Variants in HMCN2 observed in about 807,000 individuals in gnomAD.
HMCN2 encodes hemicentin 2, also known as hemicentin-2.
In HMCN2, 325 loss-of-function variants were observed where a neutral mutation model predicts 377.5. That is an observed-to-expected ratio of 0.86 (90% CI 0.79 to 0.94). The LOEUF (loss-of-function observed/expected upper bound fraction) is 0.94, where lower values mean the gene tolerates loss of function less well. Among genes scored for constraint, HMCN2 ranks in the 40% least tolerant of loss-of-function variants. The probability of loss-of-function intolerance (pLI) is 0.00; values close to 1 mark genes in which losing one functional copy is unlikely to be tolerated. For synonymous variants in HMCN2, 2,007 were observed against 2,046.8 expected, an observed-to-expected ratio of 0.98 and a Z score of 0.53; for missense variants, 4,543 against 4,725.3, an observed-to-expected ratio of 0.96 and a Z score of 1.13.
chr9:130,430,107 C>T (rs551035857), intron 94 of HMCN2, 177 bp from the exon 95 acceptor site: 104 of 629,674 alleles, frequency 1.7e-4, no homozygotes, highest in East Asian at 1.0e-3. Context: ...TAGGTGGAAT[C>T]GGAGAGGAGG....
At chr9:130,392,974 T>C (rs1031051283) in intron 66 of HMCN2, among the ~76,000 whole-genome samples, 38 of 149,968 alleles carry the variant, frequency 2.5e-4, no homozygotes, top group South Asian at 4.2e-4. Flanking sequence ...CCAGCCTGGG[T>C]GACAGAGTGA....
At position 130,360,155 on chromosome 9, in the gene HMCN2, G is replaced by A. The variant is rs996682915; in HGVS notation, c.5774-273G>A. ...GGTCCTGTCTTGGGCAACATTGCCC[G>A]GTTCCATCCCGGTTCCCTTTCCTGA... On this transcript the variant is annotated intron_variant, in intron 37 of 97. Transcript: ENST00000683500. The surrounding 1 kb of genome is among the most constrained non-coding windows in gnomAD (Gnocchi z 4.7). Among the ~76,000 whole-genome samples the A allele has an allele frequency of 1.3e-5, 2 of 152,134 alleles. No homozygotes were observed. Among genetic ancestry groups the A allele is most frequent in the African/African-American group, 2.4e-5 (1 of 41,410 alleles).
At chr9:130,296,539 A>G (rs918083381) in intron 6 of HMCN2, 135 bp from the exon 7 acceptor site, 3 of 377,672 alleles carry the variant, frequency 7.9e-6, no homozygotes, top group South Asian at 1.9e-5. Flanking sequence ...GGAGGAGGTA[A>G]GTTGCCCATG....
intron 26 of HMCN2, 37 bp from the exon 27 acceptor site, chr9:130,348,508 G>A: frequency 7.7e-7 from 1 of 1,299,632 alleles, no homozygotes; most frequent in Non-Finnish European, 1.0e-6. Flanking sequence ...CTCTAAGGGG[G>A]CAGGGAAGCA....
chr9:130,384,417 A>G lies in HMCN2; in HGVS notation c.8875A>G (p.Ile2959Val), dbSNP rs1299186962. The G allele has an allele frequency of 2.3e-5, 30 of 1,303,568 alleles. No individual in the cohort carries two copies. Among genetic ancestry groups the G allele is most frequent in the African/African-American group, 3.0e-5 (2 of 65,830 alleles). The allele number at this position is 1,303,568 out of a possible 1,614,324, so 80.8% of individuals were successfully genotyped here. Residue 2959 changes from isoleucine to valine, a missense_variant, in exon 58 of 98, where the codon ATC becomes GTC. By Grantham distance (29) the Ile-to-Val change is conservative. Coordinates refer to ENST00000683500, the MANE Select transcript of HMCN2 (RefSeq NM_001291815.2). ...CCTGGACTTGGAGCAGGTCACTGCC[A>G]TCCTCAACAGCAGCGTCTCCCTCCC... is the stretch of plus-strand genomic sequence containing the variant. ...AGLDLEQVTA[I>V]LNSSVSLPCD...
At chr9:130,410,473 C>G (rs536968233) in intron 84 of HMCN2, 98 bp from the exon 85 acceptor site, 20 of 1,090,962 alleles carry the variant, frequency 1.8e-5, no homozygotes, top group Non-Finnish European at 2.7e-5. Context: ...CAGCCTAAGC[C>G]CCTTGCTGGC....
At position 130,419,199 on chromosome 9, in the gene HMCN2, C is replaced by T. The variant is rs755605197; in HGVS notation, c.13231+158C>T. On this transcript the variant is annotated intron_variant, in intron 86 of 97. Transcript: ENST00000683500. ...GCCCAGAATGAACCCCTACCCTGCC[C>T]GTTTACAGTTGGGTAAACTGAATCT... 9 of 642,116 alleles carry T rather than the reference C, an allele frequency of 1.4e-5. No individual in the cohort carries two copies. In the East Asian group the frequency reaches 1.6e-4, roughly 11 times the overall value. The allele number at this position is 642,116 out of a possible 1,614,324, so 39.8% of individuals were successfully genotyped here. A position where few individuals can be genotyped will look rare whatever the true frequency, so the allele number is the denominator to read the frequency against.
Position 130,428,283 on chromosome 9 carries a change from G to A in HMCN2, c.14066-75G>A. ...CTGCGGACGAAGCCTCTGTGGATAGGCCGGGCCAGGGTCAGGTGGCGAGGC... is the reference window on the plus strand; with the variant it reads ...CTGCGGACGAAGCCTCTGTGGATAGACCGGGCCAGGGTCAGGTGGCGAGGC... On this transcript the variant is annotated intron_variant, in intron 92 of 97. Transcript: ENST00000683500. The surrounding 1 kb of genome is among the most constrained non-coding windows in gnomAD (Gnocchi z 5.0). The A allele has an allele frequency of 6.9e-7, 1 of 1,453,642 alleles. No homozygotes were observed. The highest frequency in any genetic ancestry group is 9.1e-7 in the Non-Finnish European group (1 of 1,096,656). The allele number at this position is 1,453,642 out of a possible 1,614,324, so 90.0% of individuals were successfully genotyped here. A position where few individuals can be genotyped will look rare whatever the true frequency, so the allele number is the denominator to read the frequency against.
rs1188750741 is a variant in HMCN2 at position 130,304,808 on chromosome 9, T to C, written c.1622T>C (p.Leu541Pro). The change falls in exon 11 of 98, where the codon CTA becomes CCA. Residue 541 changes from leucine (L) to proline (P), a missense_variant. Leu to Pro is a moderately conservative substitution (Grantham distance 98). Coordinates refer to ENST00000683500, the MANE Select transcript of HMCN2 (RefSeq NM_001291815.2). The surrounding 1 kb of genome is among the most constrained non-coding windows in gnomAD (Gnocchi z 4.3). The part of the protein sequence containing the change: ...GETAVLSCRV[L>P]GEAPYNLTWV... ...ACTGCCGTCCTATCCTGCCGGGTCC[T>C]AGGCGAGGCCCCCTACAACCTGACG... The C allele has an allele frequency of 2.1e-6, 1 of 471,090 alleles. No individual in the cohort carries two copies. The highest frequency in any genetic ancestry group is 4.4e-6 in the Non-Finnish European group (1 of 227,062). 29.2% of individuals were successfully genotyped at this position (471,090 alleles called of 1,614,324 possible).
chr9:130,398,477 C>T (rs535315878), intron 74 of HMCN2, 74 bp from the exon 75 acceptor site: 29 of 835,182 alleles, frequency 3.5e-5, no homozygotes, highest in Admixed American at 2.7e-4. Flanking sequence ...GGCTTTGCCC[C>T]TGGGCACAGC....
chr9:130,349,141 A>ACCTGAGC lies in HMCN2; in HGVS notation c.4303+15_4303+21dup. On this transcript the variant is annotated intron_variant, in intron 28 of 97. Transcript: ENST00000683500. Reference sequence around the variant, plus strand: ...CATCTCCTTGTGCTCAGTGAGTGAGACCTGAGCCCTGTAACTCCCAAGTGT... The same window carrying ACCTGAGC: ...CATCTCCTTGTGCTCAGTGAGTGAGACCTGAGCCCTGAGCCCTGTAACTCCCAAGTGT... The ACCTGAGC allele has an allele frequency of 7.7e-7, 1 of 1,302,380 alleles. No individual in the cohort carries two copies. Among genetic ancestry groups the ACCTGAGC allele is most frequent in the Non-Finnish European group, 1.0e-6 (1 of 987,766 alleles). The allele number at this position is 1,302,380 out of a possible 1,614,324, so 80.7% of individuals were successfully genotyped here.
chr9:130,284,707 C>A (rs782446837), intron 2 of HMCN2, 34 bp downstream of exon 2: 1 of 470,942 alleles, frequency 2.1e-6, no homozygotes, highest in Non-Finnish European at 4.4e-6. Flanking sequence ...CCCACTCTTT[C>A]CAGTCTGTGT....
intron 62 of HMCN2, among the ~76,000 whole-genome samples, chr9:130,390,342 G>A (rs920254935): frequency 1.3e-5 from 2 of 150,474 alleles, no homozygotes; most frequent in Non-Finnish European, 2.9e-5. Context: ...CCCCACCCCC[G>A]ATACATTGTG....
At chr9:130,342,131 C>T (rs1390008023) in intron 24 of HMCN2, among the ~76,000 whole-genome samples, 3 of 152,292 alleles carry the variant, frequency 2.0e-5, no homozygotes, top group South Asian at 2.1e-4. Flanking sequence ...AGCTCAGCCT[C>T]CCCAGCATGT....
At chr9:130,411,248 T>C (rs1448602866) in intron 85 of HMCN2, among the ~76,000 whole-genome samples, 2 of 151,914 alleles carry the variant, frequency 1.3e-5, no homozygotes, top group Non-Finnish European at 2.9e-5. Context: ...TGAGTTATAA[T>C]TTGCATACCA....
intron 15 of HMCN2, among the ~76,000 whole-genome samples, chr9:130,319,168 C>A (rs1178231935): frequency 6.6e-6 from 1 of 152,166 alleles, no homozygotes; most frequent in Non-Finnish European, 1.5e-5. Flanking sequence ...GACTGAGAAA[C>A]ACTCCTTAGA....
intron 40 of HMCN2, among the ~76,000 whole-genome samples, chr9:130,364,364 G>A (rs956990683): frequency 6.6e-6 from 1 of 152,204 alleles, no homozygotes; most frequent in African/African-American, 2.4e-5. Flanking sequence ...GGCAAAAGGT[G>A]GTTCTGAGAC....
chr9:130,307,086 T>G (rs1488799825), intron 13 of HMCN2, 148 bp downstream of exon 13: 1 of 351,572 alleles, frequency 2.8e-6, no homozygotes, highest in Non-Finnish European at 5.8e-6. Context: ...TGGGTGGAGC[T>G]TATATTCTAA....
intron 1 of HMCN2, among the ~76,000 whole-genome samples, chr9:130,271,736 T>G (rs1834420090): frequency 6.7e-6 from 1 of 149,104 alleles, no homozygotes; most frequent in Non-Finnish European, 1.5e-5. Flanking sequence ...AACCAGGATA[T>G]CCGTGCTAAG....
Sources: gnomAD v4.1 joint callset for allele counts (sites outside exome capture counted in the v4.1 genomes callset) on GRCh38, gnomAD v4.1.1 for gene constraint, Gnocchi (gnomAD v3.1) non-coding constraint, MANE v1.5 for transcripts, NCBI Gene and HGNC (gene_info 2026-07-23, HGNC 2026-07-21) for gene names.